The following PARP4 variants were observed in gnomAD, a reference collection of about 807,000 sequenced individuals.
PARP4 encodes the protein poly(ADP-ribose) polymerase family member 4.
Under a neutral mutation model 187.7 loss-of-function variants are expected in PARP4, and 120 were observed. The observed-to-expected ratio is 0.64, with a 90% CI of 0.55 to 0.74. The LOEUF (loss-of-function observed/expected upper bound fraction) is 0.74, where lower values mean the gene tolerates loss of function less well. Among genes scored for constraint, PARP4 ranks in the 30% least tolerant of loss-of-function variants. The pLI is 0.00. For missense variants in PARP4, 1,836 were observed against 2,070.5 expected, an observed-to-expected ratio of 0.89 and a Z score of 2.20; for synonymous variants, 654 against 740.9, an observed-to-expected ratio of 0.88 and a Z score of 1.90.
In PARP4 at chr13:24,426,479, C is replaced by G. The variant is rs7571; in HGVS notation, c.4966G>C (p.Ala1656Pro). The G allele has an allele frequency of 0.37, 597,782 of 1,602,722 alleles. 114,505 individuals carry two copies. Among genetic ancestry groups the G allele is most frequent in the African/African-American group, 0.57 (42,497 of 74,624 alleles). Reference sequence around the variant, plus strand: ...AGTTAAAGCCACCTGGAAATAGAAGCGTCATCCATTTTCATCAGTGATTTG... The same window carrying G: ...AGTTAAAGCCACCTGGAAATAGAAGGGTCATCCATTTTCATCAGTGATTTG... ...VFKSLMKMDD[A>P]SISRNIPWAF... The change falls in exon 33 of 34, where the codon GCT (alanine) becomes CCT (proline). Residue 1656 changes from alanine (A) to proline (P), a missense_variant. Transcript: ENST00000381989.
intron 21 of PARP4, among the ~76,000 whole-genome samples, chr13:24,455,862 A>G (rs1871816781): frequency 6.6e-6 from 1 of 151,936 alleles, no homozygotes. Flanking sequence ...AGCTCAAGCA[A>G]TCCATCTGCC....
chr13:24,443,619 T>C (rs1208114341), intron 28 of PARP4, 31 bp downstream of exon 28: 1 of 1,442,432 alleles, frequency 6.9e-7, no homozygotes, highest in Non-Finnish European at 9.8e-7. Context: ...AAGAAGAATG[T>C]CTAATCATTT....
At chr13:24,461,454 T>C (rs1457614992) in intron 17 of PARP4, among the ~76,000 whole-genome samples, 13 of 152,166 alleles carry the variant, frequency 8.5e-5, no homozygotes, top group Admixed American at 8.5e-4. Context: ...TCATAACTTG[T>C]TTTGAACTCA....
intron 6 of PARP4, 127 bp downstream of exon 6, chr13:24,497,989 T>C (rs1255337958): frequency 4.9e-6 from 3 of 607,300 alleles, no homozygotes; most frequent in African/African-American, 1.9e-5. Flanking sequence ...GCCTGTTGCA[T>C]TTATTAATAG....
At chr13:24,508,356 G>A (rs1869823152) in intron 1 of PARP4, among the ~76,000 whole-genome samples, 1 of 152,008 alleles carries the variant, frequency 6.6e-6, no homozygotes. Context: ...TGTTTAAAAC[G>A]TGTTTCCTGG....
At chr13:24,487,354 G>A (rs1873620327) in intron 10 of PARP4, among the ~76,000 whole-genome samples, 1 of 152,116 alleles carries the variant, frequency 6.6e-6, no homozygotes, top group East Asian at 1.9e-4. Flanking sequence ...TCTCTTGGGA[G>A]GTGACATTTA....
At chr13:24,505,556 T>A (rs937873878) in intron 1 of PARP4, among the ~76,000 whole-genome samples, 2 of 152,130 alleles carry the variant, frequency 1.3e-5, no homozygotes, top group Admixed American at 6.5e-5. Context: ...CCAGAAATGT[T>A]TCACTTTGCC....
intron 31 of PARP4, among the ~76,000 whole-genome samples, chr13:24,432,410 C>T (rs8002529): frequency 0.94 from 142,698 of 152,276 alleles, 67,001 homozygotes; most frequent in East Asian, 0.99. Flanking sequence ...AAGTCACCAA[C>T]ATTTAACGTA....
chr13:24,505,914 T>C lies in PARP4; in HGVS notation c.-1-2137A>G, dbSNP rs74396173. 4.5e-3 allele frequency among the ~76,000 whole-genome samples: 680 copies of C among 152,332 alleles called. 3 individuals carry two copies. The highest frequency in any genetic ancestry group is 0.016 in the African/African-American group (655 of 41,578). On this transcript the variant is annotated intron_variant, in intron 1 of 33. Coordinates refer to ENST00000381989, the MANE Select transcript of PARP4 (RefSeq NM_006437.4). ...CAGGTTCTCTGCCGCGGCCCACGCGTCTTGGGACTAAGCTGAGTTGCTGAA... is the reference window on the plus strand; with the variant it reads ...CAGGTTCTCTGCCGCGGCCCACGCGCCTTGGGACTAAGCTGAGTTGCTGAA...
Position 24,434,778 on chromosome 13 carries a change from G to A in PARP4, c.4363C>T (p.His1455Tyr), listed in dbSNP as rs772856755. ...PDPIRGFGSY[H>Y]PSASSPFHFQ... ...TGAAAAGGAGAGGAAGCAGAGGGAT[G>A]ATAAGACCCAAAACCTCTGATGGGA... The change falls in exon 31 of 34, where the codon CAT becomes TAT. Residue 1455 changes from histidine to tyrosine, a missense_variant. Around this residue, in one of 8 missense-constraint regions of PARP4, gnomAD observed 450 missense variants for 439.2 expected, o/e 1.02. Transcript: ENST00000381989. 57 of 1,612,176 alleles carry A rather than the reference G, an allele frequency of 3.5e-5. No individual in the cohort carries two copies. In the South Asian group the frequency reaches 5.9e-4, roughly 17 times the overall value.
chr13:24,495,215 G>A (rs1868881173), intron 6 of PARP4, among the ~76,000 whole-genome samples: 1 of 152,180 alleles, frequency 6.6e-6, no homozygotes, highest in Admixed American at 6.5e-5. Context: ...AAACCTGGAG[G>A]TAGAGGGGAA....
chr13:24,432,624 T>C (rs149398764), intron 31 of PARP4, among the ~76,000 whole-genome samples: 4 of 152,340 alleles, frequency 2.6e-5, no homozygotes, highest in African/African-American at 9.6e-5. Flanking sequence ...TTGTCAATCA[T>C]AGGCCCTGTA....
At chr13:24,489,024 A>G (rs2137527662) in intron 10 of PARP4, among the ~76,000 whole-genome samples, 1 of 152,276 alleles carries the variant, frequency 6.6e-6, no homozygotes, top group East Asian at 1.9e-4. Context: ...TATATTTATC[A>G]CGTTTTGTTT....
intron 29 of PARP4, among the ~76,000 whole-genome samples, chr13:24,442,292 A>G (rs377497780): frequency 3.3e-5 from 5 of 152,174 alleles, no homozygotes; most frequent in East Asian, 3.8e-4. Context: ...AAGACAATAA[A>G]CGCCAAAACT....
chr13:24,475,648 T>C (rs1202828118), intron 14 of PARP4, 52 bp from the exon 15 acceptor site: 17 of 1,564,308 alleles, frequency 1.1e-5, no homozygotes, highest in Non-Finnish European at 1.5e-5. Flanking sequence ...CTGTCTATTT[T>C]TGTTATCTTG....
At chr13:24,439,641 T>C (rs1185928469) in intron 30 of PARP4, among the ~76,000 whole-genome samples, 4 of 152,230 alleles carry the variant, frequency 2.6e-5, no homozygotes, top group Admixed American at 1.3e-4. Flanking sequence ...TGTGCAACCA[T>C]GACCATCTCC....
At chr13:24,476,305 T>G (rs1340604398) in intron 14 of PARP4, among the ~76,000 whole-genome samples, 2 of 152,166 alleles carry the variant, frequency 1.3e-5, no homozygotes, top group Non-Finnish European at 2.9e-5. Flanking sequence ...GGTGTCCTCC[T>G]GAAAACACAG....
In PARP4 at chr13:24,421,483, T is replaced by C. The variant is rs3961653; in HGVS notation, c.4980-169A>G. Among the ~76,000 whole-genome samples, 45 of 152,372 alleles carry C rather than the reference T, an allele frequency of 3.0e-4. No homozygotes were observed. In the South Asian group the frequency reaches 9.1e-3, roughly 31 times the overall value. On this transcript the variant is annotated intron_variant, in intron 33 of 33. Transcript: ENST00000381989. ...GGAAGTTCTTCTGCCCGTCTGACCT[T>C]GAGCTTATGCACTGCATTGTCAAGT...
chr13:24,506,325 C>T (rs955301008), intron 1 of PARP4, among the ~76,000 whole-genome samples: 9 of 152,256 alleles, frequency 5.9e-5, no homozygotes, highest in South Asian at 4.1e-4. Flanking sequence ...AAAGGCAGTG[C>T]GGACCCAAAC....
Sources: allele counts gnomAD v4.1 joint callset (sites outside exome capture counted in the v4.1 genomes callset), GRCh38; gene constraint gnomAD v4.1.1; regional missense constraint gnomAD v4.1.1; transcripts MANE v1.5; gene names NCBI Gene and HGNC (gene_info 2026-07-23, HGNC 2026-07-21).